The following CORO2B variants were observed in gnomAD, a reference collection of about 807,000 sequenced individuals.
The protein encoded by CORO2B is coronin-2B.
A neutral mutation model predicts 58.8 loss-of-function variants in CORO2B; 26 were observed. The ratio of observed to expected loss-of-function variants is 0.44; its 90% CI spans 0.32 to 0.61. The LOEUF (loss-of-function observed/expected upper bound fraction) is 0.61. Ranked by LOEUF, CORO2B falls within the 20% of genes least tolerant of loss-of-function variation. CORO2B has a pLI of 0.04. For missense variants in CORO2B, 460 were observed against 645.1 expected, an observed-to-expected ratio of 0.71 and a Z score of 3.11; for synonymous variants, 242 against 253.8, an observed-to-expected ratio of 0.95 and a Z score of 0.44.
the CORO2B span, among the ~76,000 whole-genome samples, chr15:68,524,475 A>G: frequency 1.3e-5 from 2 of 152,172 alleles, no homozygotes; most frequent in Non-Finnish European, 2.9e-5. Context: ...TATCTCCCCA[A>G]TCATACTCTA....
intron 1 of CORO2B, among the ~76,000 whole-genome samples, chr15:68,627,338 G>A (rs567749779): frequency 6.6e-6 from 1 of 152,314 alleles, no homozygotes; most frequent in Admixed American, 6.5e-5. Context: ...ATGCACCAGG[G>A]CAGGGCAACT....
the CORO2B span, among the ~76,000 whole-genome samples, chr15:68,526,653 T>A: frequency 6.6e-6 from 1 of 152,358 alleles, no homozygotes; most frequent in East Asian, 1.9e-4. Context: ...ACTTTACATA[T>A]AGCTTTTGTC....
intron 1 of CORO2B, among the ~76,000 whole-genome samples, chr15:68,589,870 G>A (rs903188107): frequency 6.6e-6 from 1 of 152,180 alleles, no homozygotes; most frequent in Non-Finnish European, 1.5e-5. Context: ...GAGCAACTTC[G>A]GAGCCCTTTC....
intron 1 of CORO2B, among the ~76,000 whole-genome samples, chr15:68,590,471 A>C (rs572932954): frequency 1.3e-5 from 2 of 151,960 alleles, no homozygotes; most frequent in Admixed American, 6.5e-5. Context: ...GCCCTGCTTC[A>C]CACAGCAGGA....
At chr15:68,541,028 G>A in the CORO2B span, among the ~76,000 whole-genome samples, 143 of 152,266 alleles carry the variant, frequency 9.4e-4, 3 homozygotes, top group African/African-American at 3.4e-3. Context: ...TCAGCAGTTC[G>A]AGACCAGCCT....
intron 1 of CORO2B, chr15:68,632,449 C>T (rs766335301): frequency 2.4e-5 from 24 of 982,876 alleles, no homozygotes; most frequent in South Asian, 1.4e-4. Context: ...AGTTGAGAAA[C>T]GTCCTCTCTC....
At chr15:68,605,938 C>A (rs1027176842) in intron 1 of CORO2B, among the ~76,000 whole-genome samples, 1 of 151,848 alleles carries the variant, frequency 6.6e-6, no homozygotes, top group African/African-American at 2.4e-5. Context: ...GTTGGTCAGG[C>A]AGGTCTCAAA....
chr15:68,534,091 G>T, the CORO2B span, among the ~76,000 whole-genome samples: 14 of 152,188 alleles, frequency 9.2e-5, no homozygotes, highest in Admixed American at 6.5e-5. Context: ...CCTGCATAAT[G>T]GTGGATCCTC....
Position 68,725,978 on chromosome 15 carries a change from C to T in CORO2B, c.*4C>T. The stretch of plus-strand genomic sequence containing the variant: ...CAACAGCCCCAAGAACTGTTAGCTC[C>T]CCAGCTGGGCTGTTTTCTAAGCCGA... On this transcript the variant is annotated 3_prime_UTR_variant, in exon 12 of 12. Coordinates refer to ENST00000261861, the MANE Select transcript of CORO2B (RefSeq NM_006091.5). The T allele has an allele frequency of 6.2e-7, 1 of 1,613,078 alleles. No individual in the cohort carries two copies. Among genetic ancestry groups the T allele is most frequent in the Non-Finnish European group, 8.5e-7 (1 of 1,179,962 alleles).
chr15:68,667,183 GC>G (rs1902218911), intron 2 of CORO2B, among the ~76,000 whole-genome samples: 1 of 151,840 alleles, frequency 6.6e-6, no homozygotes, highest in South Asian at 2.1e-4. Flanking sequence ...GGCCCACTCT[GC>G]CCCTTCCTGA....
rs1037387634 is a variant in CORO2B at position 68,668,308 on chromosome 15, C to A, written c.216+22948C>A. On this transcript the variant is annotated intron_variant, in intron 2 of 11. Coordinates refer to ENST00000261861, the MANE Select transcript of CORO2B (RefSeq NM_006091.5). ...GGGGGCGCTACAGGGGATCCAAGAA[C>A]CTTCTGGATCATGCAGACAACACAG... Among the ~76,000 whole-genome samples the A allele has an allele frequency of 5.3e-5, 8 of 152,080 alleles. No homozygotes were observed. In the East Asian group the frequency reaches 5.8e-4, roughly 11 times the overall value.
chr15:68,678,982 T>C (rs773056418), intron 2 of CORO2B, among the ~76,000 whole-genome samples: 3 of 152,194 alleles, frequency 2.0e-5, no homozygotes, highest in Non-Finnish European at 2.9e-5. Context: ...GGCTTGACAG[T>C]AGGACCCAGT....
At chr15:68,651,020 G>T (rs929508153) in intron 2 of CORO2B, among the ~76,000 whole-genome samples, 5 of 152,152 alleles carry the variant, frequency 3.3e-5, no homozygotes, top group Non-Finnish European at 5.9e-5. Flanking sequence ...ATGGGCTCGC[G>T]GTAGAAAGTT....
At chr15:68,642,024 CGGCCTAGCCTCTTTTTTTTTTTTTTT>C (rs2140270091) in intron 1 of CORO2B, among the ~76,000 whole-genome samples, 1 of 143,752 alleles carries the variant, frequency 7.0e-6, no homozygotes, top group Admixed American at 7.3e-5. Context: ...TCACCTAACC[CGGCCTAGCCTCTTTTTTTTTTTTTTT>C]TTTTGAGACA....
chr15:68,551,080 G>T, the CORO2B span, among the ~76,000 whole-genome samples: 8 of 152,162 alleles, frequency 5.3e-5, no homozygotes, highest in Non-Finnish European at 1.0e-4. Context: ...CTGGGGGGAA[G>T]AGGGCCCAGG....
chr15:68,523,998 G>C, the CORO2B span, among the ~76,000 whole-genome samples: 1,924 of 152,216 alleles, frequency 0.013, 45 homozygotes, highest in African/African-American at 0.044. Context: ...GGCAAAGGTG[G>C]GAGGATTGCT....
chr15:68,585,850 G>A (rs986009268), intron 1 of CORO2B, among the ~76,000 whole-genome samples: 1 of 152,318 alleles, frequency 6.6e-6, no homozygotes, highest in Middle Eastern at 3.4e-3. Flanking sequence ...TATACATGGT[G>A]TTTGACATCA....
the CORO2B span, among the ~76,000 whole-genome samples, chr15:68,523,606 G>A: frequency 2.0e-5 from 3 of 152,190 alleles, no homozygotes; most frequent in Non-Finnish European, 2.9e-5. Context: ...AATACCTCAA[G>A]TGGAAAAATG....
At chr15:68,685,624 C>T (rs1174766981) in intron 2 of CORO2B, among the ~76,000 whole-genome samples, 1 of 152,236 alleles carries the variant, frequency 6.6e-6, no homozygotes, top group Non-Finnish European at 1.5e-5. Context: ...GAGGCCCAGG[C>T]CCCAGCAGGC....
Sources: gnomAD v4.1 joint callset for allele counts (sites outside exome capture counted in the v4.1 genomes callset) on GRCh38, gnomAD v4.1.1 for gene constraint, MANE v1.5 for transcripts, NCBI Gene and HGNC (gene_info 2026-07-23, HGNC 2026-07-21) for gene names.